HDAC9: variants seen among roughly 807,000 people sequenced by gnomAD.
The protein encoded by HDAC9 is MEF-2 interacting transcription repressor (MITR) protein.
A neutral mutation model predicts 139.4 loss-of-function variants in HDAC9; 41 were observed. The ratio of observed to expected loss-of-function variants is 0.29; its 90% CI spans 0.23 to 0.38. The LOEUF is 0.38. HDAC9 is among the 10% of genes least tolerant of loss of function. HDAC9 has a pLI of 1.00. For missense variants in HDAC9, 1,147 were observed against 1,297.0 expected (o/e 0.88, Z 1.78); for synonymous variants, 517 against 476.2 (o/e 1.09, Z -1.12).
chr7:18,157,002 C>A (rs1787258277), intron 1 of HDAC9, among the ~76,000 whole-genome samples: 1 of 152,190 alleles, frequency 6.6e-6, no homozygotes, highest in African/African-American at 2.4e-5. Flanking sequence ...GTGGGAGGAT[C>A]ACTTGAGCCT....
At chr7:18,621,478 CA>C (rs1421369471) in intron 6 of HDAC9, among the ~76,000 whole-genome samples, 2 of 151,902 alleles carry the variant, frequency 1.3e-5, no homozygotes, top group Non-Finnish European at 2.9e-5. Flanking sequence ...AACAAGTAGA[CA>C]AAATTGGTAT....
In HDAC9 at chr7:18,571,618, T is replaced by TTTA. The variant is rs1447895460; in HGVS notation, c.23-13661_23-13660insATT. Reference sequence around the variant, plus strand: ...GTGGGGCTTTAAAACTTTATTTTATTTTTTATTTTTTATTTTTTTTTTTGG... The same window carrying TTTA: ...GTGGGGCTTTAAAACTTTATTTTATTTTATTTTATTTTTTATTTTTTTTTTTGG... On this transcript the variant is annotated intron_variant, in intron 2 of 25. Transcript: ENST00000686413. Among the ~76,000 whole-genome samples the TTTA allele has an allele frequency of 2.4e-3, 361 of 151,886 alleles. 2 individuals carry two copies. Among genetic ancestry groups the TTTA allele is most frequent in the African/African-American group, 8.3e-3 (342 of 41,440 alleles).
At chr7:18,983,512 T>C (rs756410267) in intron 25 of HDAC9, among the ~76,000 whole-genome samples, 7 of 152,222 alleles carry the variant, frequency 4.6e-5, no homozygotes, top group Non-Finnish European at 1.0e-4. Flanking sequence ...TATTTTTAAT[T>C]TCTTGAGGAA....
chr7:18,355,053 A>C lies in HDAC9; in HGVS notation c.-42+64538A>C, dbSNP rs558112451. ...AGTCATTTTTTCTACCACCAGTTAC[A>C]AATCCAGTCTTTATTCTCAAACAGA... On this transcript the variant is annotated intron_variant, in intron 1 of 3. Transcript: ENST00000413509. 2.6e-5 allele frequency among the ~76,000 whole-genome samples: 4 copies of C among 152,350 alleles called. No individual in the cohort carries two copies. In the East Asian group the frequency reaches 7.7e-4, roughly 29 times the overall value.
chr7:18,296,322 C>T (rs888438619), intron 1 of HDAC9, among the ~76,000 whole-genome samples: 2 of 152,020 alleles, frequency 1.3e-5, no homozygotes, highest in African/African-American at 4.8e-5. Flanking sequence ...ATACTTTAAA[C>T]ATTTAATAGA....
At chr7:18,175,779 CCT>C (rs1491481125) in intron 2 of HDAC9, among the ~76,000 whole-genome samples, 3 of 130,672 alleles carry the variant, frequency 2.3e-5, no homozygotes, top group Non-Finnish European at 3.3e-5. Flanking sequence ...CCCCCCCCCC[CCT>C]TTTTTTAGAA....
chr7:18,214,881 A>C (rs1419893343), intron 2 of HDAC9, among the ~76,000 whole-genome samples: 3 of 152,134 alleles, frequency 2.0e-5, no homozygotes, highest in African/African-American at 7.2e-5. Context: ...TGATGGGGGC[A>C]TGGAAAAGAT....
intron 22 of HDAC9, among the ~76,000 whole-genome samples, chr7:18,889,154 A>T (rs901075523): frequency 6.6e-6 from 1 of 152,134 alleles, no homozygotes; most frequent in African/African-American, 2.4e-5. Flanking sequence ...CAGCCTGGAA[A>T]ATCTTTCTGT....
chr7:18,957,016 G>A (rs1195904464), intron 24 of HDAC9, among the ~76,000 whole-genome samples: 1 of 152,134 alleles, frequency 6.6e-6, no homozygotes, highest in Non-Finnish European at 1.5e-5. Flanking sequence ...TGAAAGTCAA[G>A]GTGATGGTGA....
intron 22 of HDAC9, among the ~76,000 whole-genome samples, chr7:18,915,546 A>G (rs1451442168): frequency 6.6e-6 from 1 of 151,954 alleles, no homozygotes; most frequent in Non-Finnish European, 1.5e-5. Context: ...AAAATGAAGC[A>G]TTGAACAAAT....
intron 1 of HDAC9, among the ~76,000 whole-genome samples, chr7:18,448,667 T>C (rs1792520528): frequency 6.6e-6 from 1 of 152,174 alleles, no homozygotes; most frequent in Admixed American, 6.5e-5. Flanking sequence ...CCTATTCATT[T>C]CTGAAAACAA....
intron 14 of HDAC9, among the ~76,000 whole-genome samples, chr7:18,753,924 C>G (rs565416537): frequency 4.6e-5 from 7 of 152,186 alleles, no homozygotes; most frequent in Admixed American, 1.3e-4. Flanking sequence ...ACATAACACT[C>G]TCTTTGGTTA....
intron 16 of HDAC9, among the ~76,000 whole-genome samples, chr7:18,786,654 TTTCCTC>T (rs1791821762): frequency 2.0e-5 from 1 of 51,256 alleles, no homozygotes; most frequent in African/African-American, 4.9e-5. Flanking sequence ...TCCCTCCTTC[TTTCCTC>T]CCTTCCTCCC....
intron 12 of HDAC9, among the ~76,000 whole-genome samples, chr7:18,680,414 T>C (rs916025573): frequency 2.0e-5 from 3 of 152,018 alleles, no homozygotes; most frequent in African/African-American, 7.2e-5. Flanking sequence ...AAATGTGTTC[T>C]TAAAGCAATC....
At position 18,829,206 on chromosome 7, in the gene HDAC9, T is replaced by G; in HGVS notation, c.2368T>G (p.Ser790Ala). The G allele has an allele frequency of 6.2e-7, 1 of 1,612,602 alleles. No individual in the cohort carries two copies. The highest frequency in any genetic ancestry group is 8.5e-7 in the Non-Finnish European group (1 of 1,178,616). ...VRPPGHHAEESTAMGFCFFNS... is the reference protein window; with the variant it reads ...VRPPGHHAEEATAMGFCFFNS... ...GCCCCCTGGCCATCACGCTGAAGAA[T>G]CCACAGCCATGTAAGTACCAGGGAC... Residue 790 changes from serine (S) to alanine (A), a missense_variant, in exon 18 of 26, where the codon TCC becomes GCC. This residue lies in a region of HDAC9 where 407 missense variants were observed against 521.5 expected (regional missense o/e 0.78). Coordinates refer to ENST00000686413, the MANE Select transcript of HDAC9 (RefSeq NM_178425.4).
In HDAC9 at chr7:18,896,895, G is replaced by A. The variant is rs145113506; in HGVS notation, c.2803+22299G>A. 2.4e-4 allele frequency among the ~76,000 whole-genome samples: 37 copies of A among 151,960 alleles called. No individual in the cohort carries two copies. The East Asian group carries it at 6.6e-3, about 27-fold the overall frequency. On this transcript the variant is annotated intron_variant, in intron 22 of 25. Coordinates refer to ENST00000686413, the MANE Select transcript of HDAC9 (RefSeq NM_178425.4). ...TGGGTATCTATGGAGAAATAGTGAAGGTAAATAAACTCTAAATTTTCCACT... is the reference window on the plus strand; with the variant it reads ...TGGGTATCTATGGAGAAATAGTGAAAGTAAATAAACTCTAAATTTTCCACT...
chr7:18,813,325 A>C (rs763840025), intron 17 of HDAC9, among the ~76,000 whole-genome samples: 5 of 152,148 alleles, frequency 3.3e-5, no homozygotes, highest in Non-Finnish European at 7.4e-5. Flanking sequence ...ATTTAAAGGA[A>C]AACATGCTTC....
intron 22 of HDAC9, among the ~76,000 whole-genome samples, chr7:18,931,763 T>G (rs1045735840): frequency 1.3e-5 from 2 of 152,190 alleles, no homozygotes; most frequent in South Asian, 2.1e-4. Context: ...TTCTAGTGAA[T>G]ACATCCTGAG....
intron 1 of HDAC9, among the ~76,000 whole-genome samples, chr7:18,366,699 C>T (rs968633960): frequency 6.6e-6 from 1 of 152,070 alleles, no homozygotes; most frequent in African/African-American, 2.4e-5. Flanking sequence ...GTCTTTGCTA[C>T]AAGGCAGTTC....
Sources: allele counts gnomAD v4.1 joint callset (sites outside exome capture counted in the v4.1 genomes callset), GRCh38; gene constraint gnomAD v4.1.1; regional missense constraint gnomAD v4.1.1; transcripts MANE v1.5; gene names NCBI Gene and HGNC (gene_info 2026-07-23, HGNC 2026-07-21).